The following NALF1 variants were observed in gnomAD, a reference collection of about 807,000 sequenced individuals.
NALF1 encodes the protein family with sequence similarity 155 member A.
Under a neutral mutation model 48.4 loss-of-function variants are expected in NALF1, and 3 were observed. That is an observed-to-expected ratio of 0.06 (90% confidence interval 0.03 to 0.16). The LOEUF is 0.16. Ranked by LOEUF, NALF1 falls within the 10% of genes least tolerant of loss-of-function variation. NALF1 has a pLI of 1.00. For missense variants in NALF1, 526 were observed against 571.5 expected, an observed-to-expected ratio of 0.92 and a Z score of 0.81; for synonymous variants, 262 against 245.7, an observed-to-expected ratio of 1.07 and a Z score of -0.62.
intron 1 of NALF1, among the ~76,000 whole-genome samples, chr13:107,311,895 T>C (rs1594115293): frequency 6.6e-6 from 1 of 152,068 alleles, no homozygotes; most frequent in East Asian, 1.9e-4. Flanking sequence ...CCAGTTAGAA[T>C]GGCCATCATT....
intron 1 of NALF1, among the ~76,000 whole-genome samples, chr13:107,348,384 A>C (rs1315587627): frequency 1.3e-5 from 2 of 152,216 alleles, no homozygotes; most frequent in African/African-American, 4.8e-5. Flanking sequence ...TAATTGTGTC[A>C]AATTATTTGG....
At chr13:107,484,345 G>T (rs1427788808) in intron 1 of NALF1, among the ~76,000 whole-genome samples, 1 of 152,162 alleles carries the variant, frequency 6.6e-6, no homozygotes, top group East Asian at 1.9e-4. Context: ...TTACTCTGGG[G>T]AATGGTCATG....
chr13:107,578,833 T>C (rs1402983928), intron 1 of NALF1, among the ~76,000 whole-genome samples: 2 of 152,190 alleles, frequency 1.3e-5, no homozygotes, highest in Non-Finnish European at 2.9e-5. Context: ...GATTCTTAAC[T>C]GATTTGTATT....
At chr13:107,205,930 G>C (rs1401238607) in intron 2 of NALF1, among the ~76,000 whole-genome samples, 1 of 151,968 alleles carries the variant, frequency 6.6e-6, no homozygotes, top group African/African-American at 2.4e-5. Flanking sequence ...AGGGAGTGTG[G>C]AGAGGGAAGC....
intron 1 of NALF1, among the ~76,000 whole-genome samples, chr13:107,556,911 T>C (rs934977532): frequency 1.3e-5 from 2 of 151,838 alleles, no homozygotes; most frequent in Non-Finnish European, 2.9e-5. Flanking sequence ...GAAGAGGAGA[T>C]GAGAAAGAGA....
intron 1 of NALF1, among the ~76,000 whole-genome samples, chr13:107,417,988 G>A (rs1185830187): frequency 6.6e-6 from 1 of 152,186 alleles, no homozygotes; most frequent in Non-Finnish European, 1.5e-5. Context: ...TTGAACCAGA[G>A]AGGCAGAGGT....
chr13:107,238,400 G>A, intron 1 of NALF1, among the ~76,000 whole-genome samples: 1 of 152,162 alleles, frequency 6.6e-6, no homozygotes, highest in South Asian at 2.1e-4. Flanking sequence ...ATGGGTGGAT[G>A]GAGTATTAGT....
At chr13:107,763,691 A>G (rs774387040) in intron 1 of NALF1, among the ~76,000 whole-genome samples, 2 of 152,166 alleles carry the variant, frequency 1.3e-5, no homozygotes, top group East Asian at 3.8e-4. Context: ...TTATGTACCC[A>G]TGGTTACAGG....
chr13:107,613,619 C>A (rs1245099174), intron 1 of NALF1, among the ~76,000 whole-genome samples: 2 of 152,168 alleles, frequency 1.3e-5, no homozygotes, highest in African/African-American at 2.4e-5. Context: ...TGACTCCATC[C>A]AGCCACATCA....
At chr13:107,422,328 T>C (rs1884203072) in intron 1 of NALF1, among the ~76,000 whole-genome samples, 1 of 152,198 alleles carries the variant, frequency 6.6e-6, no homozygotes, top group African/African-American at 2.4e-5. Context: ...CCTCAGTACA[T>C]GGACATGATG....
chr13:107,422,219 CCT>C (rs1884200785), intron 1 of NALF1, among the ~76,000 whole-genome samples: 1 of 152,066 alleles, frequency 6.6e-6, no homozygotes, highest in African/African-American at 2.4e-5. Flanking sequence ...TATTATTCTC[CCT>C]GTTAGGAGTT....
In NALF1 at chr13:107,184,384, C is replaced by CTTCAGTTTTGCTTTGTGTGT. The variant is rs559036041; in HGVS notation, c.1088-13618_1088-13599dup. 2.2e-3 allele frequency among the ~76,000 whole-genome samples: 328 copies of CTTCAGTTTTGCTTTGTGTGT among 152,232 alleles called. 1 individual carries two copies. The highest frequency in any genetic ancestry group is 7.3e-3 in the African/African-American group (303 of 41,524). ...GTAGTCCCTATTGCTTTATTTCCTC[C>CTTCAGTTTTGCTTTGTGTGT]TTCAGTTTTGCTTTGTGTGTTTCAG... On this transcript the variant is annotated intron_variant, in intron 2 of 2. Transcript: ENST00000375915.
rs531062363 is a variant in NALF1 at position 107,472,037 on chromosome 13, A to G, written c.916-261282T>C. ...AATACAGGCTCCAAAGTAATCATAA[A>G]TACTTCAGATATAGCCAGGCGCATT... On this transcript the variant is annotated intron_variant, in intron 1 of 2. Coordinates refer to ENST00000375915, the MANE Select transcript of NALF1 (RefSeq NM_001080396.3). Among the ~76,000 whole-genome samples the G allele has an allele frequency of 2.6e-5, 4 of 152,344 alleles. No homozygotes were observed. In the South Asian group the frequency reaches 6.2e-4, roughly 24 times the overall value.
intron 1 of NALF1, among the ~76,000 whole-genome samples, chr13:107,518,639 GAT>G (rs1320914201): frequency 1.3e-5 from 2 of 152,092 alleles, no homozygotes; most frequent in African/African-American, 4.8e-5. Context: ...AGGGACAGTA[GAT>G]ACACATAAAC....
chr13:107,193,447 A>G (rs1879323260), intron 2 of NALF1, among the ~76,000 whole-genome samples: 1 of 152,090 alleles, frequency 6.6e-6, no homozygotes, highest in African/African-American at 2.4e-5. Context: ...TCCAGAGGAG[A>G]CCTGTAAGGA....
chr13:107,362,497 C>A lies in NALF1; in HGVS notation c.916-151742G>T, dbSNP rs1352103401. ...GCAGCTGCATGACTCCAATTTATAC[C>A]ACTGTTGTCACTTGGCATTCTCCTG... On this transcript the variant is annotated intron_variant, in intron 1 of 2. Coordinates refer to ENST00000375915, the MANE Select transcript of NALF1 (RefSeq NM_001080396.3). The surrounding 1 kb of genome is among the most constrained non-coding windows in gnomAD (Gnocchi z 4.6). Among the ~76,000 whole-genome samples the A allele has an allele frequency of 1.3e-5, 2 of 152,052 alleles. No individual in the cohort carries two copies. The highest frequency in any genetic ancestry group is 1.3e-4 in the Admixed American group (2 of 15,246).
At chr13:107,795,862 G>A (rs1197586083) in intron 1 of NALF1, among the ~76,000 whole-genome samples, 3 of 152,130 alleles carry the variant, frequency 2.0e-5, no homozygotes, top group Admixed American at 2.0e-4. Context: ...CAATAGCAGT[G>A]AGGAATAATC....
At chr13:107,282,004 G>T (rs151127911) in intron 1 of NALF1, among the ~76,000 whole-genome samples, 1 of 152,148 alleles carries the variant, frequency 6.6e-6, no homozygotes, top group Non-Finnish European at 1.5e-5. Flanking sequence ...TTTGGATGGG[G>T]ACCCAGCCAC....
chr13:107,336,191 A>C (rs2138928817), intron 1 of NALF1, among the ~76,000 whole-genome samples: 1 of 152,144 alleles, frequency 6.6e-6, no homozygotes, highest in South Asian at 2.1e-4. Flanking sequence ...GTCCTCTATC[A>C]AAAATACAAA....
Sources: allele counts gnomAD v4.1 joint callset (sites outside exome capture counted in the v4.1 genomes callset), GRCh38; gene constraint gnomAD v4.1.1; non-coding constraint Gnocchi (gnomAD v3.1); transcripts MANE v1.5; gene names NCBI Gene and HGNC (gene_info 2026-07-23, HGNC 2026-07-21).